Variants in UBE2E3 observed in about 807,000 individuals in gnomAD.
The protein encoded by UBE2E3 is ubiquitin-conjugating enzyme E2 E3.
UBE2E3 carries 5 observed loss-of-function variants against 23.6 expected under a neutral mutation model. The observed-to-expected ratio is 0.21, with a 90% CI of 0.11 to 0.44. The LOEUF (loss-of-function observed/expected upper bound fraction) is 0.44, where lower values mean the gene tolerates loss of function less well. UBE2E3 is among the 20% of genes least tolerant of loss of function. The pLI is 0.99. For synonymous variants in UBE2E3, 78 were observed against 87.5 expected, an observed-to-expected ratio of 0.89 and a Z score of 0.60; for missense variants, 81 against 249.8, an observed-to-expected ratio of 0.32 and a Z score of 4.55.
At chr2:181,021,892 G>C (rs1023819666) in intron 3 of UBE2E3, among the ~76,000 whole-genome samples, 1 of 152,012 alleles carries the variant, frequency 6.6e-6, no homozygotes, top group East Asian at 1.9e-4. Context: ...GCATCTAAAA[G>C]TTTAGAGTAA....
At chr2:181,037,084 A>T (rs1204550094) in intron 3 of UBE2E3, among the ~76,000 whole-genome samples, 1 of 152,182 alleles carries the variant, frequency 6.6e-6, no homozygotes, top group African/African-American at 2.4e-5. Context: ...ATTATGATAG[A>T]GCTGAAAAAT....
chr2:181,021,904 A>G (rs557604682), intron 3 of UBE2E3, among the ~76,000 whole-genome samples: 2 of 152,196 alleles, frequency 1.3e-5, no homozygotes, highest in Non-Finnish European at 2.9e-5. Flanking sequence ...TTAGAGTAAA[A>G]GTGCCCAGAA....
chr2:181,033,521 A>C (rs1686157488), intron 3 of UBE2E3, among the ~76,000 whole-genome samples: 1 of 152,008 alleles, frequency 6.6e-6, no homozygotes, highest in Non-Finnish European at 1.5e-5. Flanking sequence ...CCTTATACAA[A>C]AATTAATTCA....
At chr2:181,040,429 G>A (rs1258943257) in intron 3 of UBE2E3, among the ~76,000 whole-genome samples, 4 of 152,062 alleles carry the variant, frequency 2.6e-5, no homozygotes, top group Non-Finnish European at 5.9e-5. Context: ...TAGTGGATAG[G>A]AAAATTTTTT....
At chr2:181,041,330 A>G (rs1686497168) in intron 3 of UBE2E3, among the ~76,000 whole-genome samples, 1 of 151,368 alleles carries the variant, frequency 6.6e-6, no homozygotes, top group African/African-American at 2.4e-5. Context: ...TCATAGGGGC[A>G]TTGAACAGTA....
intron 3 of UBE2E3, among the ~76,000 whole-genome samples, chr2:181,034,150 C>T (rs1267388607): frequency 6.6e-6 from 1 of 152,150 alleles, no homozygotes; most frequent in Non-Finnish European, 1.5e-5. Flanking sequence ...CTAGAAATAC[C>T]ATTTGACCCA....
At chr2:181,058,011 TAAAC>T (rs774903008) in intron 4 of UBE2E3, among the ~76,000 whole-genome samples, 186 bp downstream of exon 4, 1 of 151,774 alleles carries the variant, frequency 6.6e-6, no homozygotes, top group African/African-American at 2.4e-5. Flanking sequence ...TAATTTGTAA[TAAAC>T]AGAAAGAGTT....
chr2:181,033,474 C>T (rs1033519436), intron 3 of UBE2E3, among the ~76,000 whole-genome samples: 37 of 152,250 alleles, frequency 2.4e-4, no homozygotes, highest in African/African-American at 8.9e-4. Flanking sequence ...AGTGGCTAGC[C>T]ATATGTAGAA....
intron 3 of UBE2E3, among the ~76,000 whole-genome samples, chr2:181,048,177 A>T (rs1479813432): frequency 6.6e-6 from 1 of 152,122 alleles, no homozygotes. Context: ...TTTCCCCGGC[A>T]TTCAACAAGG....
chr2:181,000,556 CTT>C (rs112131285), intron 3 of UBE2E3, among the ~76,000 whole-genome samples: 41 of 138,548 alleles, frequency 3.0e-4, no homozygotes, highest in Non-Finnish European at 3.3e-4. Flanking sequence ...AAAGAATAAC[CTT>C]TTTTTTTTTT....
At chr2:181,037,610 GTGTT>G (rs1160918513) in intron 3 of UBE2E3, among the ~76,000 whole-genome samples, 2 of 151,946 alleles carry the variant, frequency 1.3e-5, no homozygotes, top group African/African-American at 4.8e-5. Context: ...GCTATACACT[GTGTT>G]TGTGTTTTAA....
At chr2:181,053,350 A>T (rs1686899608) in intron 3 of UBE2E3, among the ~76,000 whole-genome samples, 1 of 151,864 alleles carries the variant, frequency 6.6e-6, no homozygotes, top group Non-Finnish European at 1.5e-5. Context: ...CCAGGATTTA[A>T]ACCACCTTAG....
At chr2:181,045,655 T>G (rs115350931) in intron 3 of UBE2E3, among the ~76,000 whole-genome samples, 1,857 of 152,208 alleles carry the variant, frequency 0.012, 46 homozygotes, top group African/African-American at 0.043. Context: ...TTGGGTAAGT[T>G]TTTAAACTCC....
In UBE2E3 at chr2:181,043,344, A is replaced by G. The variant is rs7594494; in HGVS notation, c.246-14349A>G. Among the ~76,000 whole-genome samples the G allele has an allele frequency of 4.3e-3, 649 of 152,354 alleles. 6 individuals are homozygous for G. The highest frequency in any genetic ancestry group is 0.015 in the African/African-American group (610 of 41,582). ...GTGATGCCAGTCAACCAGATTGTCC[A>G]CATGAGTGGCTGAGATACAGTGCTT... On this transcript the variant is annotated intron_variant, in intron 3 of 5. Transcript: ENST00000410062.
At chr2:180,981,929 G>T in intron 1 of UBE2E3, 89 bp from the exon 2 acceptor site, 1 of 978,562 alleles carries the variant, frequency 1.0e-6, no homozygotes. Flanking sequence ...TTCATTACAA[G>T]ACGATTTTAG....
intron 3 of UBE2E3, among the ~76,000 whole-genome samples, chr2:181,006,055 A>C (rs1685139481): frequency 6.6e-6 from 1 of 152,188 alleles, no homozygotes; most frequent in African/African-American, 2.4e-5. Context: ...GTTGGAACCA[A>C]GGAGGTCCAA....
chr2:181,043,725 C>T (rs901531647), intron 3 of UBE2E3, among the ~76,000 whole-genome samples: 1 of 152,110 alleles, frequency 6.6e-6, no homozygotes. Flanking sequence ...TTAAAATACA[C>T]ATACTGTATA....
intron 3 of UBE2E3, among the ~76,000 whole-genome samples, chr2:181,025,384 G>T (rs1342704127): frequency 8.2e-6 from 1 of 121,622 alleles, no homozygotes; most frequent in Non-Finnish European, 1.7e-5. Flanking sequence ...CATTGATTTT[G>T]TCATTGAAGA....
chr2:181,060,821 A>C lies in UBE2E3; in HGVS notation c.526+9A>C. 6.3e-7 allele frequency: 1 copy of C among 1,582,308 alleles called. No individual in the cohort carries two copies. The highest frequency in any genetic ancestry group is 8.6e-7 in the Non-Finnish European group (1 of 1,165,922). ...GACAGACTGCAACCCTGGTAAGCAA[A>C]TCTTTATTAACATGTACAATAAGAC... On this transcript the variant is annotated intron_variant, in intron 5 of 5. Coordinates refer to ENST00000410062, the MANE Select transcript of UBE2E3 (RefSeq NM_006357.4).
Sources: gnomAD v4.1 joint callset for allele counts (sites outside exome capture counted in the v4.1 genomes callset) on GRCh38, gnomAD v4.1.1 for gene constraint, MANE v1.5 for transcripts, NCBI Gene and HGNC (gene_info 2026-07-23, HGNC 2026-07-21) for gene names.